DMD: variants seen among roughly 807,000 people sequenced by gnomAD.
The protein encoded by DMD is dystrophin.
In DMD, 63 loss-of-function variants were observed where a neutral mutation model predicts 330.1. The ratio of observed to expected loss-of-function variants is 0.19; its 90% CI spans 0.16 to 0.24. The LOEUF (loss-of-function observed/expected upper bound fraction) is 0.24. Ranked by LOEUF, DMD falls within the 10% of genes least tolerant of loss-of-function variation. The pLI, the probability that DMD is intolerant of heterozygous loss-of-function variation, is 1.00. For synonymous variants in DMD, 1,223 were observed against 959.8 expected, an observed-to-expected ratio of 1.27 and a Z score of -5.07; for missense variants, 3,344 against 2,684.1, an observed-to-expected ratio of 1.25 and a Z score of -5.43.
At chrX:31,574,134 G>GTTTTTT (rs748095057) in intron 55 of DMD, among the ~76,000 whole-genome samples, 6 of 83,169 alleles carry the variant, frequency 7.2e-5, no homozygotes, top group Non-Finnish European at 9.6e-5. Flanking sequence ...TGATCTGTTT[G>GTTTTTT]TTTTTTTTTT....
intron 2 of DMD, among the ~76,000 whole-genome samples, chrX:32,947,239 C>T (rs2090883503): frequency 8.9e-6 from 1 of 111,851 alleles, no homozygotes; most frequent in Non-Finnish European, 1.9e-5. Flanking sequence ...TCCAGTTTTC[C>T]TTAAGCAAGT....
chrX:32,977,016 C>A (rs905515765), intron 2 of DMD, among the ~76,000 whole-genome samples: 2 of 111,531 alleles, frequency 1.8e-5, no homozygotes, highest in Non-Finnish European at 3.8e-5. Context: ...GGTAGCCTGG[C>A]GTGGTGGCTC....
intron 44 of DMD, among the ~76,000 whole-genome samples, chrX:31,986,490 G>T (rs1010340039): frequency 9.0e-6 from 1 of 110,886 alleles, no homozygotes. Flanking sequence ...CCGGCTCACT[G>T]CAACCTCTGC....
chrX:32,094,072 C>A (rs2096491589), intron 44 of DMD, among the ~76,000 whole-genome samples: 1 of 111,707 alleles, frequency 9.0e-6, no homozygotes, highest in Non-Finnish European at 1.9e-5. Flanking sequence ...AGAGGTTAAT[C>A]ATGCTTTGCA....
At chrX:31,448,073 A>C (rs1444332601) in intron 59 of DMD, among the ~76,000 whole-genome samples, 1 of 109,908 alleles carries the variant, frequency 9.1e-6, no homozygotes, top group East Asian at 2.8e-4. Context: ...GAATTCCTAA[A>C]TTTCTGTTAA....
intron 60 of DMD, among the ~76,000 whole-genome samples, chrX:31,366,703 TAGA>T (rs1319185109): frequency 1.8e-5 from 2 of 108,986 alleles, no homozygotes; most frequent in African/African-American, 3.3e-5. Context: ...TCATTCTTTT[TAGA>T]AGCTTTTCAC....
intron 44 of DMD, among the ~76,000 whole-genome samples, chrX:32,088,123 C>A (rs932989937): frequency 8.9e-6 from 1 of 111,969 alleles, no homozygotes; most frequent in African/African-American, 3.2e-5. Flanking sequence ...TTAAATTGGG[C>A]TACTAAAACA....
intron 34 of DMD, among the ~76,000 whole-genome samples, chrX:32,380,010 G>A (rs750015758): frequency 7.2e-5 from 8 of 111,556 alleles, no homozygotes; most frequent in South Asian, 7.4e-4. Flanking sequence ...AGAATTTAAC[G>A]GCTAATGATT....
At chrX:32,705,017 T>C (rs2064484111) in intron 7 of DMD, among the ~76,000 whole-genome samples, 1 of 112,302 alleles carries the variant, frequency 8.9e-6, no homozygotes, top group Non-Finnish European at 1.9e-5. Context: ...ATCATGGCAA[T>C]GGACTAATTC....
chrX:31,178,230 T>C (rs779827575), intron 70 of DMD: 19 of 748,787 alleles, frequency 2.5e-5, no homozygotes, highest in Non-Finnish European at 2.8e-5. Context: ...CTACTTACTG[T>C]GAAGTAGTTT....
At chrX:32,111,989 A>T (rs750134819) in intron 44 of DMD, among the ~76,000 whole-genome samples, 11 of 112,200 alleles carry the variant, frequency 9.8e-5, no homozygotes, top group African/African-American at 3.6e-4. Flanking sequence ...CATTCTGCAA[A>T]CAAATTTCAG....
At position 32,336,988 on chromosome X, in the gene DMD, G is replaced by A. The variant is rs925845688; in HGVS notation, c.5922+5112C>T. ...AAAGAGTAATGGGCAGGAGGGGCCTGATATGATCTCATTAACTCCTTAGAA... is the reference window on the plus strand; with the variant it reads ...AAAGAGTAATGGGCAGGAGGGGCCTAATATGATCTCATTAACTCCTTAGAA... On this transcript the variant is annotated intron_variant, in intron 41 of 78. Transcript: ENST00000357033. Among the ~76,000 whole-genome samples the A allele has an allele frequency of 2.7e-5, 3 of 111,261 alleles. No homozygotes were observed. In the Admixed American group the frequency reaches 2.9e-4, roughly 11 times the overall value.
chrX:32,610,936 C>A (rs1033010250), intron 12 of DMD, among the ~76,000 whole-genome samples: 3 of 111,173 alleles, frequency 2.7e-5, no homozygotes, highest in Non-Finnish European at 5.7e-5. Flanking sequence ...TTAGTTTGAA[C>A]TCAGTTACCC....
At chrX:32,517,664 A>T (rs2045985966) in intron 18 of DMD, 2 of 321,334 alleles carry the variant, frequency 6.2e-6, no homozygotes, top group Non-Finnish European at 1.1e-5. Context: ...TACTCTACAC[A>T]ATTGTGCAAG....
Position 32,468,588 on chromosome X carries a change from T to G in DMD, c.3072A>C (p.Glu1024Asp). 1 of 1,210,961 alleles carries G rather than the reference T, an allele frequency of 8.3e-7. No individual in the cohort carries two copies. ...ISRKYQSEFE[E>D]IEGRWKKLSS... The stretch of plus-strand genomic sequence containing the variant: ...AGAGCTTCTTCCAGCGTCCCTCAAT[T>G]TCTTCAAATTCTGATTGATATTTCC... The change falls in exon 23 of 79, where the codon GAA becomes GAC. Residue 1024 changes from glutamate to aspartate, a missense_variant. Glu to Asp is a conservative substitution (Grantham distance 45). Coordinates refer to ENST00000357033, the MANE Select transcript of DMD (RefSeq NM_004006.3).
chrX:32,874,238 T>C (rs1163231017), intron 2 of DMD, among the ~76,000 whole-genome samples: 1 of 112,194 alleles, frequency 8.9e-6, no homozygotes, highest in Non-Finnish European at 1.9e-5. Flanking sequence ...TTGTTGAGGG[T>C]AGAACATTGC....
chrX:31,579,683 C>T (rs761877557), intron 55 of DMD, among the ~76,000 whole-genome samples: 1 of 112,279 alleles, frequency 8.9e-6, no homozygotes, highest in South Asian at 3.7e-4. Flanking sequence ...ACAAAATGAG[C>T]TGATTTTAAG....
At chrX:31,190,766 C>T (rs1193741099) in intron 67 of DMD, among the ~76,000 whole-genome samples, 1 of 109,988 alleles carries the variant, frequency 9.1e-6, no homozygotes, top group African/African-American at 3.3e-5. Context: ...GAAACCCTGC[C>T]CCAATGTTAA....
At chrX:32,176,053 T>C (rs964410209) in intron 44 of DMD, among the ~76,000 whole-genome samples, 6 of 111,823 alleles carry the variant, frequency 5.4e-5, no homozygotes, top group African/African-American at 2.0e-4. Flanking sequence ...AGCTAGTTCA[T>C]TTTTAAGGTC....
Sources: gnomAD v4.1 joint callset for allele counts (sites outside exome capture counted in the v4.1 genomes callset) on GRCh38, gnomAD v4.1.1 for gene constraint, MANE v1.5 for transcripts, NCBI Gene and HGNC (gene_info 2026-07-23, HGNC 2026-07-21) for gene names.